ATXN2: variants seen among roughly 807,000 people sequenced by gnomAD.
ATXN2 encodes ataxin 2.
ATXN2 carries 37 observed loss-of-function variants against 138.6 expected under a neutral mutation model. That is an observed-to-expected ratio of 0.27 (90% CI 0.21 to 0.35). ATXN2 has a LOEUF of 0.35. ATXN2 is among the 10% of genes least tolerant of loss of function. ATXN2 has a pLI of 1.00. For missense variants in ATXN2, 1,216 were observed against 1,480.3 expected, an observed-to-expected ratio of 0.82 and a Z score of 2.93; for synonymous variants, 549 against 543.7, an observed-to-expected ratio of 1.01 and a Z score of -0.13.
chr12:111,480,770 T>C (rs1877172257), intron 18 of ATXN2, among the ~76,000 whole-genome samples: 1 of 152,168 alleles, frequency 6.6e-6, no homozygotes, highest in African/African-American at 2.4e-5. Flanking sequence ...GGACCACTAC[T>C]CTCATCTCAT....
intron 5 of ATXN2, among the ~76,000 whole-genome samples, chr12:111,527,218 G>C (rs972064502): frequency 1.3e-5 from 2 of 152,122 alleles, no homozygotes; most frequent in Non-Finnish European, 2.9e-5. Flanking sequence ...GGACCCATAG[G>C]GTACCACCTA....
rs528261624 is a variant in ATXN2 at position 111,475,383 on chromosome 12, T to TA, written c.2525-4642dup. 2.8e-3 allele frequency among the ~76,000 whole-genome samples: 355 copies of TA among 128,656 alleles called. 3 individuals carry two copies. Among genetic ancestry groups the TA allele is most frequent in the African/African-American group, 5.7e-3 (199 of 34,898 alleles). 84.4% of individuals were successfully genotyped at this position (128,656 alleles called of 152,430 possible). A position where few individuals can be genotyped will look rare whatever the true frequency, so the allele number is the denominator to read the frequency against. ...AAAAGTTACCACAATATGAAACAATTAAAAAAAAAAAAAGACTTCAACATA... is the reference window on the plus strand; with the variant it reads ...AAAAGTTACCACAATATGAAACAATTAAAAAAAAAAAAAAGACTTCAACATA... On this transcript the variant is annotated intron_variant, in intron 18 of 24. Coordinates refer to ENST00000673436, the MANE Select transcript of ATXN2 (RefSeq NM_001372574.1).
chr12:111,498,002 TGA>T (rs1298128993), intron 14 of ATXN2, among the ~76,000 whole-genome samples: 2 of 151,646 alleles, frequency 1.3e-5, no homozygotes, highest in Non-Finnish European at 2.9e-5. Context: ...GGTGACAGAG[TGA>T]GACTCCATCT....
At chr12:111,590,615 G>A (rs901064611) in intron 1 of ATXN2, among the ~76,000 whole-genome samples, 1 of 151,746 alleles carries the variant, frequency 6.6e-6, no homozygotes, top group Non-Finnish European at 1.5e-5. Flanking sequence ...AACCCGGGAG[G>A]CAGAGGTTGC....
chr12:111,565,374 C>T (rs1245663667), intron 1 of ATXN2, among the ~76,000 whole-genome samples: 1 of 152,104 alleles, frequency 6.6e-6, no homozygotes, highest in African/African-American at 2.4e-5. Context: ...ATAAATCTCA[C>T]AATATTTTCA....
At position 111,516,871 on chromosome 12, in the gene ATXN2, C is replaced by T. The variant is rs375859580; in HGVS notation, c.1166-508G>A. 6.6e-6 allele frequency among the ~76,000 whole-genome samples: 1 copy of T among 152,246 alleles called. No homozygotes were observed. The highest frequency in any genetic ancestry group is 1.9e-4 in the East Asian group (1 of 5,192). On this transcript the variant is annotated intron_variant, in intron 9 of 24. Transcript: ENST00000673436. This position sits in a 1 kb window ranked among gnomAD's most constrained non-coding sequence, Gnocchi z 5.0. ...TTATCTATGATTTTCATCAGGTTTA[C>T]ACTTGAACCCAGAACTCAGTTTGGA...
At chr12:111,530,585 C>G (rs1880764151) in intron 5 of ATXN2, among the ~76,000 whole-genome samples, 1 of 152,194 alleles carries the variant, frequency 6.6e-6, no homozygotes, top group African/African-American at 2.4e-5. Context: ...GAGGCCCAGT[C>G]AGGCAGATCA....
rs1875164211 is a variant in ATXN2 at position 111,457,093 on chromosome 12, T to C, written c.3042+121A>G. 13 of 1,244,066 alleles carry C rather than the reference T, an allele frequency of 1.0e-5. No homozygotes were observed. The East Asian group carries it at 3.0e-4, about 28-fold the overall frequency. The allele number at this position is 1,244,066 out of a possible 1,614,324, so 77.1% of individuals were successfully genotyped here. Reference sequence around the variant, plus strand: ...CCACCACCCCAGGGGCACAGCTGTATCCATCTTCACGAGGGTGGACATGCC... The same window carrying C: ...CCACCACCCCAGGGGCACAGCTGTACCCATCTTCACGAGGGTGGACATGCC... On this transcript the variant is annotated intron_variant, in intron 22 of 24. Transcript: ENST00000673436.
intron 21 of ATXN2, among the ~76,000 whole-genome samples, chr12:111,463,295 A>ACT (rs1875731459): frequency 6.6e-6 from 1 of 152,082 alleles, no homozygotes; most frequent in Non-Finnish European, 1.5e-5. Flanking sequence ...GACTAGCCTT[A>ACT]TTTTTATTTT....
rs374863526 is a variant in ATXN2, at chr12:111,586,096, G to A, written c.251+12688C>T. ...GTATTAATATTTTTTGTTGAGATGG[G>A]GTTTCCCTGTGTTGCCCAGGCTGGA... On this transcript the variant is annotated intron_variant, in intron 1 of 24. Coordinates refer to ENST00000673436, the MANE Select transcript of ATXN2 (RefSeq NM_001372574.1). Among the ~76,000 whole-genome samples, 208 of 151,918 alleles carry A rather than the reference G, an allele frequency of 1.4e-3. 5 individuals carry two copies. The South Asian group carries it at 0.016, about 11-fold the overall frequency.
intron 1 of ATXN2, among the ~76,000 whole-genome samples, chr12:111,580,715 G>A (rs1253705504): frequency 2.1e-5 from 3 of 144,536 alleles, no homozygotes; most frequent in Non-Finnish European, 4.6e-5. Context: ...GAGAGAGGAA[G>A]GGTTGGGAGA....
At chr12:111,475,895 A>G (rs1876782056) in intron 18 of ATXN2, among the ~76,000 whole-genome samples, 2 of 152,320 alleles carry the variant, frequency 1.3e-5, no homozygotes, top group South Asian at 4.1e-4. Flanking sequence ...ATGGCATTTC[A>G]TATCAGTTTG....
chr12:111,582,142 C>T (rs1396044059), intron 1 of ATXN2, among the ~76,000 whole-genome samples: 2 of 152,004 alleles, frequency 1.3e-5, no homozygotes, highest in Non-Finnish European at 2.9e-5. Context: ...AAAACCAGCC[C>T]GGGTAACAGT....
At chr12:111,597,644 C>T in intron 1 of ATXN2, 2 of 451,548 alleles carry the variant, frequency 4.4e-6, no homozygotes, top group Non-Finnish European at 4.4e-6. Context: ...CCCTCCTGCA[C>T]AAACACACCC....
intron 20 of ATXN2, among the ~76,000 whole-genome samples, chr12:111,467,277 G>A (rs976204139): frequency 6.8e-6 from 1 of 146,606 alleles, no homozygotes; most frequent in African/African-American, 2.6e-5. Flanking sequence ...TGTGTAGGTG[G>A]GACTACAGGC....
intron 1 of ATXN2, among the ~76,000 whole-genome samples, chr12:111,568,497 C>T (rs1242743200): frequency 6.6e-6 from 1 of 152,092 alleles, no homozygotes; most frequent in African/African-American, 2.4e-5. Context: ...TTTCATTGAT[C>T]CAGGTTTCTA....
chr12:111,469,668 T>C (rs896873838), intron 20 of ATXN2: 1 of 173,156 alleles, frequency 5.8e-6, no homozygotes, highest in Non-Finnish European at 1.2e-5. Context: ...ATTATCATTA[T>C]AACAAACAGC....
Position 111,510,421 on chromosome 12 carries a change from G to C in ATXN2, c.1720C>G (p.Pro574Ala), listed in dbSNP as rs1395461429. ...IPAASPTPAS[P>A]ASNRAVTPSS... ...GGGGTAACAGCTCTGTTCGATGCAGGACTAGCAGGCGTAGGAGATGCAGCT... is the reference window on the plus strand; with the variant it reads ...GGGGTAACAGCTCTGTTCGATGCAGCACTAGCAGGCGTAGGAGATGCAGCT... Residue 574 changes from proline (P) to alanine (A), a missense_variant, in exon 12 of 25, where the codon CCT becomes GCT. By Grantham distance (27) the Pro-to-Ala change is conservative. Around this residue, in one of 4 missense-constraint regions of ATXN2, gnomAD observed 215 missense variants for 210.0 expected, o/e 1.02. Transcript: ENST00000673436. 1.2e-6 allele frequency: 2 copies of C among 1,614,136 alleles called. No homozygotes were observed. The highest frequency in any genetic ancestry group is 2.2e-5 in the South Asian group (2 of 91,070).
intron 5 of ATXN2, among the ~76,000 whole-genome samples, chr12:111,544,572 G>T (rs879902768): frequency 3.3e-5 from 5 of 152,178 alleles, no homozygotes; most frequent in Non-Finnish European, 7.3e-5. Context: ...CATGATAGGA[G>T]GGAACTTGTG....
Sources: allele counts gnomAD v4.1 joint callset (sites outside exome capture counted in the v4.1 genomes callset), GRCh38; gene constraint gnomAD v4.1.1; regional missense constraint gnomAD v4.1.1; non-coding constraint Gnocchi (gnomAD v3.1); transcripts MANE v1.5; gene names NCBI Gene and HGNC (gene_info 2026-07-23, HGNC 2026-07-21).